Variants in PTPRK observed in about 807,000 individuals in gnomAD.
The protein encoded by PTPRK is protein tyrosine phosphatase receptor type K, also known as receptor-type tyrosine-protein phosphatase kappa.
Under a neutral mutation model 178.0 loss-of-function variants are expected in PTPRK, and 75 were observed. That is an observed-to-expected ratio of 0.42 (90% confidence interval 0.35 to 0.51). The LOEUF (loss-of-function observed/expected upper bound fraction) is 0.51. PTPRK is among the 20% of genes least tolerant of loss of function. The probability of loss-of-function intolerance (pLI) is 0.02; values close to 1 mark genes in which losing one functional copy is unlikely to be tolerated. For synonymous variants in PTPRK, 637 were observed against 620.6 expected (o/e 1.03, Z -0.39); for missense variants, 1,441 against 1,797.8 (o/e 0.80, Z 3.59).
At chr6:128,241,835 G>A (rs1479414783) in intron 4 of PTPRK, among the ~76,000 whole-genome samples, 1 of 146,418 alleles carries the variant, frequency 6.8e-6, no homozygotes, top group African/African-American at 2.5e-5. Flanking sequence ...AGGCTGGAGT[G>A]CAGTGGTGCA....
intron 3 of PTPRK, among the ~76,000 whole-genome samples, chr6:128,291,946 G>A (rs781143400): frequency 6.6e-6 from 1 of 151,960 alleles, no homozygotes; most frequent in Non-Finnish European, 1.5e-5. Flanking sequence ...TTAACCAATT[G>A]AAGAAAAACC....
intron 13 of PTPRK, among the ~76,000 whole-genome samples, chr6:128,048,627 G>A (rs1003108828): frequency 6.6e-6 from 1 of 152,144 alleles, no homozygotes; most frequent in African/African-American, 2.4e-5. Flanking sequence ...CATTTGCCAT[G>A]CCACATACAG....
intron 3 of PTPRK, among the ~76,000 whole-genome samples, chr6:128,276,028 A>G (rs772379231): frequency 1.1e-4 from 17 of 152,090 alleles, no homozygotes; most frequent in Admixed American, 2.6e-4. Flanking sequence ...TAAACTTTAA[A>G]AAAAATTTTA....
intron 3 of PTPRK, among the ~76,000 whole-genome samples, chr6:128,265,130 G>A (rs915946663): frequency 1.3e-5 from 2 of 152,006 alleles, no homozygotes; most frequent in Admixed American, 6.6e-5. Context: ...TACTAAAAAT[G>A]GAGCTGAGAG....
At chr6:128,314,840 TAAA>T (rs1187331995) in intron 3 of PTPRK, among the ~76,000 whole-genome samples, 1 of 139,886 alleles carries the variant, frequency 7.1e-6, no homozygotes. Flanking sequence ...CACCACTATT[TAAA>T]AAAAAAAAAA....
intron 5 of PTPRK, among the ~76,000 whole-genome samples, chr6:128,235,017 G>A (rs1195326732): frequency 2.6e-5 from 4 of 152,080 alleles, no homozygotes; most frequent in Admixed American, 6.6e-5. Context: ...GAATTGGAAT[G>A]TCCTTAACAC....
rs183679369 is a variant in PTPRK at position 128,060,026 on chromosome 6, A to G, written c.2194+4732T>C. Among the ~76,000 whole-genome samples the G allele has an allele frequency of 1.9e-4, 29 of 152,254 alleles. 1 individual carries two copies. The East Asian group carries it at 4.8e-3, about 25-fold the overall frequency. On this transcript the variant is annotated intron_variant, in intron 13 of 29. Coordinates refer to ENST00000368226, the MANE Select transcript of PTPRK (RefSeq NM_002844.4). ...GTGACTTGGCTATTTCTCTAGGAAC[A>G]TGGTGGAGAAGAGTCTACTTATACT...
In PTPRK at chr6:128,452,469, T is replaced by C. The variant is rs76588211; in HGVS notation, c.101-54781A>G. ...TTTTGATATGGTAAAATTATATACCTATACAACCTAAGCTTCAATCGCTGG... is the reference window on the plus strand; with the variant it reads ...TTTTGATATGGTAAAATTATATACCCATACAACCTAAGCTTCAATCGCTGG... On this transcript the variant is annotated intron_variant, in intron 1 of 29. Transcript: ENST00000368226. Among the ~76,000 whole-genome samples the C allele has an allele frequency of 4.3e-3, 660 of 152,288 alleles. 5 individuals are homozygous for C. Among genetic ancestry groups the C allele is most frequent in the African/African-American group, 0.015 (639 of 41,546 alleles).
intron 3 of PTPRK, among the ~76,000 whole-genome samples, chr6:128,254,327 G>T (rs940394030): frequency 2.6e-5 from 4 of 151,944 alleles, no homozygotes; most frequent in African/African-American, 9.7e-5. Flanking sequence ...TATAATTTAT[G>T]ATGTTAGTGC....
chr6:128,069,831 T>C (rs760461013), intron 11 of PTPRK, among the ~76,000 whole-genome samples: 30 of 152,088 alleles, frequency 2.0e-4, no homozygotes, highest in Admixed American at 1.1e-3. Context: ...ACAGCTTGTC[T>C]ATCTAGATCT....
intron 7 of PTPRK, among the ~76,000 whole-genome samples, chr6:128,179,389 A>G (rs1801571937): frequency 6.6e-6 from 1 of 152,020 alleles, no homozygotes; most frequent in African/African-American, 2.4e-5. Flanking sequence ...GAAATCTAAA[A>G]TGAAATTTTA....
intron 1 of PTPRK, among the ~76,000 whole-genome samples, chr6:128,481,828 G>A (rs1852124558): frequency 6.6e-6 from 1 of 151,928 alleles, no homozygotes; most frequent in Non-Finnish European, 1.5e-5. Flanking sequence ...AAAGAATTGG[G>A]TCTTATAGGT....
intron 19 of PTPRK, among the ~76,000 whole-genome samples, chr6:127,992,357 C>T (rs1776707050): frequency 6.6e-6 from 1 of 151,706 alleles, no homozygotes; most frequent in South Asian, 2.1e-4. Flanking sequence ...CTTCTTTTTC[C>T]TTTCCTCAAA....
intron 8 of PTPRK, among the ~76,000 whole-genome samples, chr6:128,089,267 C>A (rs1489816380): frequency 6.6e-6 from 1 of 152,150 alleles, no homozygotes; most frequent in East Asian, 1.9e-4. Flanking sequence ...CCCGGCCCAA[C>A]AGTGTTGTTT....
chr6:128,059,620 A>G (rs1185736843), intron 13 of PTPRK, among the ~76,000 whole-genome samples: 1 of 152,178 alleles, frequency 6.6e-6, no homozygotes, highest in Non-Finnish European at 1.5e-5. Context: ...TAACACTGAC[A>G]GTTTGATCAG....
chr6:128,402,638 C>T (rs1472505600), intron 1 of PTPRK, among the ~76,000 whole-genome samples: 1 of 152,138 alleles, frequency 6.6e-6, no homozygotes, highest in African/African-American at 2.4e-5. Flanking sequence ...TAACGCTACA[C>T]TTCTGGGAAT....
At chr6:128,281,576 G>A (rs552173916) in intron 3 of PTPRK, among the ~76,000 whole-genome samples, 21 of 152,222 alleles carry the variant, frequency 1.4e-4, no homozygotes, top group Non-Finnish European at 2.5e-4. Flanking sequence ...CTGGCACTCA[G>A]TAGTCTAGAA....
At chr6:128,397,771 G>GAT in intron 1 of PTPRK, 83 bp from the exon 2 acceptor site, 4 of 1,341,428 alleles carry the variant, frequency 3.0e-6, no homozygotes, top group African/African-American at 1.4e-5. Flanking sequence ...ATGTTATATT[G>GAT]ATATATATAA....
At chr6:128,184,854 A>T (rs1583378713) in intron 6 of PTPRK, 129 bp from the exon 7 acceptor site, 1 of 971,856 alleles carries the variant, frequency 1.0e-6, no homozygotes, top group Admixed American at 2.9e-5. Context: ...TTGAAAGAAA[A>T]CTAGAAGACG....
Sources: allele counts gnomAD v4.1 joint callset (sites outside exome capture counted in the v4.1 genomes callset), GRCh38; gene constraint gnomAD v4.1.1; transcripts MANE v1.5; gene names NCBI Gene and HGNC (gene_info 2026-07-23, HGNC 2026-07-21).